Variants in PLS3 observed in about 807,000 individuals in gnomAD.
The protein encoded by PLS3 is plastin-3.
PLS3 carries 11 observed loss-of-function variants against 46.5 expected under a neutral mutation model. The observed-to-expected ratio is 0.24, with a 90% CI of 0.15 to 0.39. The LOEUF (loss-of-function observed/expected upper bound fraction) is 0.39. Among genes scored for constraint, PLS3 ranks in the 10% least tolerant of loss-of-function variants. The probability of loss-of-function intolerance (pLI) is 1.00; values close to 1 mark genes in which losing one functional copy is unlikely to be tolerated. For missense variants in PLS3, 308 were observed against 461.8 expected, an observed-to-expected ratio of 0.67 and a Z score of 3.05; for synonymous variants, 167 against 162.2, an observed-to-expected ratio of 1.03 and a Z score of -0.22.
At chrX:115,580,552 C>T (rs2074274241) in intron 1 of PLS3, among the ~76,000 whole-genome samples, 1 of 112,152 alleles carries the variant, frequency 8.9e-6, no homozygotes, top group Admixed American at 9.5e-5. Flanking sequence ...ATCACACTGT[C>T]TTGATTACTG....
chrX:115,617,685 A>G (rs1432174613), intron 2 of PLS3, among the ~76,000 whole-genome samples: 3 of 112,277 alleles, frequency 2.7e-5, no homozygotes, highest in Admixed American at 9.4e-5. Context: ...ACAAATTCTT[A>G]TTCCTCCAAT....
intron 9 of PLS3, 84 bp downstream of exon 9, chrX:115,640,587 A>G: frequency 1.9e-6 from 1 of 536,664 alleles, no homozygotes; most frequent in Non-Finnish European, 3.2e-6. Context: ...TTATAATCGT[A>G]TGAAGTAGAG....
Position 115,635,018 on chromosome X carries a change from C to T in PLS3, c.720C>T (p.Phe240=), listed in dbSNP as rs781887875. 6.0e-5 allele frequency: 72 copies of T among 1,206,255 alleles called. No homozygotes were observed. The highest frequency in any genetic ancestry group is 5.3e-4 in the Admixed American group (24 of 45,307). ...GGCAGATCATTAAGATCGGTTTGTT[C>T]GCTGACATTGAATTAAGCAGGAATG... ...LLWQIIKIGL[F]ADIELSRNEA... The change falls in exon 7 of 16, where the codon TTC becomes TTT. Residue 240 remains phenylalanine (F), a synonymous_variant. Coordinates refer to ENST00000355899, the MANE Select transcript of PLS3 (RefSeq NM_005032.7).
In PLS3 at chrX:115,649,747, T is replaced by G; in HGVS notation, c.*186T>G. On this transcript the variant is annotated 3_prime_UTR_variant, in exon 16 of 16. Transcript: ENST00000355899. ...GGGTTTAAGAAAAACAACTCCTCTTTCCCATAGTCAGAGTTGAATTTGTCA... is the reference window on the plus strand; with the variant it reads ...GGGTTTAAGAAAAACAACTCCTCTTGCCCATAGTCAGAGTTGAATTTGTCA... 2.9e-6 allele frequency: 1 copy of G among 344,642 alleles called. No individual in the cohort carries two copies. Among genetic ancestry groups the G allele is most frequent in the Non-Finnish European group, 5.0e-6 (1 of 198,549 alleles). The allele number at this position is 344,642 out of a possible 1,213,427, so 28.4% of individuals were successfully genotyped here.
intron 5 of PLS3, among the ~76,000 whole-genome samples, chrX:115,631,712 T>G (rs1446107145): frequency 9.0e-6 from 1 of 111,307 alleles, no homozygotes; most frequent in Non-Finnish European, 1.9e-5. Context: ...CCAGCCTGGG[T>G]GACCCTGTCT....
At chrX:115,610,424 G>A (rs2074537238) in intron 2 of PLS3, 101 bp downstream of exon 2, 4 of 395,242 alleles carry the variant, frequency 1.0e-5, no homozygotes, top group South Asian at 1.5e-4. Flanking sequence ...AAAAACATTA[G>A]GGCAAGATAG....
chrX:115,597,423 C>G (rs897383329), intron 1 of PLS3, among the ~76,000 whole-genome samples: 2 of 111,584 alleles, frequency 1.8e-5, no homozygotes, highest in African/African-American at 6.5e-5. Context: ...ATGTTTAAGT[C>G]TCCCTTAAAG....
intron 1 of PLS3, among the ~76,000 whole-genome samples, chrX:115,599,910 A>G (rs2074426677): frequency 9.0e-6 from 1 of 110,974 alleles, no homozygotes; most frequent in South Asian, 3.8e-4. Flanking sequence ...GATTACAGGC[A>G]TGAGCCACTG....
intron 5 of PLS3, among the ~76,000 whole-genome samples, chrX:115,630,427 T>G (rs1345048274): frequency 9.1e-6 from 1 of 110,278 alleles, no homozygotes; most frequent in Non-Finnish European, 1.9e-5. Context: ...TTCCAATTTA[T>G]AGAGGCAGTG....
At chrX:115,578,860 G>A (rs1347679325) in intron 1 of PLS3, among the ~76,000 whole-genome samples, 2 of 110,249 alleles carry the variant, frequency 1.8e-5, no homozygotes, top group African/African-American at 3.3e-5. Flanking sequence ...TGAGATAATT[G>A]TAGATTCACA....
intron 7 of PLS3, among the ~76,000 whole-genome samples, chrX:115,636,352 G>A (rs1050067766): frequency 9.1e-5 from 10 of 109,304 alleles, no homozygotes; most frequent in African/African-American, 2.3e-4. Context: ...GACTACAGGC[G>A]CCCGCCACCA....
At chrX:115,617,378 A>G (rs781888275) in intron 2 of PLS3, among the ~76,000 whole-genome samples, 1 of 111,522 alleles carries the variant, frequency 9.0e-6, no homozygotes, top group South Asian at 3.8e-4. Flanking sequence ...ATTGAATGTT[A>G]TTTAAGGGAT....
Position 115,633,799 on chromosome X carries a change from TTTTTTATTTTTAG to T in PLS3, c.501-190_501-178del, listed in dbSNP as rs201765481. ...TCAGCCACCACATCAGGCCTTGGCC[TTTTTTATTTTTAG>T]TTTTTATTTTCCATATGTGTAGTTT... On this transcript the variant is annotated intron_variant, in intron 5 of 15. Coordinates refer to ENST00000355899, the MANE Select transcript of PLS3 (RefSeq NM_005032.7). Among the ~76,000 whole-genome samples, 1,995 of 111,647 alleles carry T rather than the reference TTTTTTATTTTTAG, an allele frequency of 0.018. 21 individuals carry two copies. The highest frequency in any genetic ancestry group is 0.025 in the Non-Finnish European group (1,322 of 53,055).
intron 2 of PLS3, among the ~76,000 whole-genome samples, chrX:115,620,782 G>A (rs1172699048): frequency 1.2e-5 from 1 of 81,672 alleles, no homozygotes; most frequent in East Asian, 4.2e-4. Context: ...GTGCAATCTT[G>A]GCCCAGGTTC....
chrX:115,568,581 T>C (rs1264551367), intron 1 of PLS3, among the ~76,000 whole-genome samples: 3 of 111,998 alleles, frequency 2.7e-5, no homozygotes, highest in African/African-American at 9.7e-5. Context: ...TTCCATATCT[T>C]ACAGATAATG....
intron 3 of PLS3, among the ~76,000 whole-genome samples, chrX:115,624,963 C>G (rs1396615662): frequency 4.5e-5 from 5 of 111,529 alleles, no homozygotes; most frequent in Non-Finnish European, 9.4e-5. Flanking sequence ...CCAGTACCTC[C>G]CTGCTATTCA....
chrX:115,649,388 T>C lies in PLS3; in HGVS notation c.1761-41T>C, dbSNP rs782047942. On this transcript the variant is annotated intron_variant, in intron 15 of 15. Coordinates refer to ENST00000355899, the MANE Select transcript of PLS3 (RefSeq NM_005032.7). ...AGATGTCTTACGTGGTGTCCTTAACTGACAAGAATTTCATCCTGATTTTGT... is the reference window on the plus strand; with the variant it reads ...AGATGTCTTACGTGGTGTCCTTAACCGACAAGAATTTCATCCTGATTTTGT... 4.7e-5 allele frequency: 54 copies of C among 1,143,749 alleles called. No individual in the cohort carries two copies. The Admixed American group carries it at 1.2e-3, about 26-fold the overall frequency. 94.3% of individuals were successfully genotyped at this position (1,143,749 alleles called of 1,213,427 possible).
intron 1 of PLS3, among the ~76,000 whole-genome samples, chrX:115,567,158 A>G (rs1442079387): frequency 8.9e-6 from 1 of 112,069 alleles, no homozygotes; most frequent in Non-Finnish European, 1.9e-5. Flanking sequence ...GTGATTGCCC[A>G]TAATGGGAGG....
intron 3 of PLS3, among the ~76,000 whole-genome samples, chrX:115,623,193 C>T (rs1017915923): frequency 9.0e-6 from 1 of 111,494 alleles, no homozygotes; most frequent in African/African-American, 3.3e-5. Context: ...ATTTGAGATA[C>T]GTGTTAAAAA....
Sources: allele counts gnomAD v4.1 joint callset (sites outside exome capture counted in the v4.1 genomes callset), GRCh38; gene constraint gnomAD v4.1.1; transcripts MANE v1.5; gene names NCBI Gene and HGNC (gene_info 2026-07-23, HGNC 2026-07-21).